Variants in AIG1 observed in about 807,000 individuals in gnomAD.
AIG1 encodes the protein androgen-induced gene 1 protein.
In AIG1, 23 loss-of-function variants were observed where a neutral mutation model predicts 31.4. The observed-to-expected ratio is 0.73, with a 90% CI of 0.53 to 1.04. The LOEUF (loss-of-function observed/expected upper bound fraction) is 1.04. Ranked by LOEUF, AIG1 falls within the 50% of genes least tolerant of loss-of-function variation. The pLI is 0.00. For missense variants in AIG1, 274 were observed against 295.0 expected, an observed-to-expected ratio of 0.93 and a Z score of 0.52; for synonymous variants, 100 against 110.5, an observed-to-expected ratio of 0.90 and a Z score of 0.60.
intron 5 of AIG1, chr6:143,339,031 C>A (rs1777715881): frequency 6.6e-6 from 1 of 152,172 alleles, no homozygotes; most frequent in East Asian, 1.9e-4. Flanking sequence ...CCAGTACATA[C>A]AAGTCCTTCA....
chr6:143,250,237 C>T (rs918643758), intron 3 of AIG1, among the ~76,000 whole-genome samples: 1 of 152,182 alleles, frequency 6.6e-6, no homozygotes, highest in East Asian at 1.9e-4. Context: ...GAATAGGAAG[C>T]AGCTCTTTAT....
At chr6:143,081,642 C>T (rs1179133917) in intron 1 of AIG1, among the ~76,000 whole-genome samples, 3 of 151,958 alleles carry the variant, frequency 2.0e-5, no homozygotes, top group Non-Finnish European at 4.4e-5. Flanking sequence ...AGGCCTGGTC[C>T]AGTAAATAAT....
intron 1 of AIG1, among the ~76,000 whole-genome samples, chr6:143,128,894 G>A (rs1782941480): frequency 6.6e-6 from 1 of 152,212 alleles, no homozygotes; most frequent in East Asian, 1.9e-4. Context: ...AGGATAGACT[G>A]TTTCATCATT....
chr6:143,243,969 G>C (rs1226191345), intron 3 of AIG1, among the ~76,000 whole-genome samples: 1 of 152,176 alleles, frequency 6.6e-6, no homozygotes, highest in Non-Finnish European at 1.5e-5. Context: ...GCTTCAGGCA[G>C]GTCCTTTCAA....
At chr6:143,270,203 C>T (rs955025414) in intron 3 of AIG1, among the ~76,000 whole-genome samples, 1 of 152,098 alleles carries the variant, frequency 6.6e-6, no homozygotes, top group African/African-American at 2.4e-5. Flanking sequence ...ACTTCCTGGC[C>T]CCATCCTTTC....
intron 3 of AIG1, among the ~76,000 whole-genome samples, chr6:143,274,201 A>C (rs1373574225): frequency 6.6e-6 from 1 of 152,036 alleles, no homozygotes; most frequent in Non-Finnish European, 1.5e-5. Context: ...TAGGAGATCT[A>C]CCCCTGGCCA....
intron 1 of AIG1, among the ~76,000 whole-genome samples, chr6:143,073,647 A>G (rs553508077): frequency 2.0e-5 from 3 of 152,304 alleles, no homozygotes; most frequent in African/African-American, 7.2e-5. Flanking sequence ...TTTATAAGAA[A>G]AGAGGTTTAA....
chr6:143,336,194 G>T (rs1583911782), intron 5 of AIG1, among the ~76,000 whole-genome samples: 1 of 150,448 alleles, frequency 6.6e-6, no homozygotes, highest in African/African-American at 2.5e-5. Flanking sequence ...CCAAGAAGAA[G>T]GAAGATTGCA....
At chr6:143,250,142 G>A (rs1355177055) in intron 3 of AIG1, among the ~76,000 whole-genome samples, 1 of 152,220 alleles carries the variant, frequency 6.6e-6, no homozygotes, top group Non-Finnish European at 1.5e-5. Context: ...TCTTGGCCTA[G>A]CAGGTGCATG....
rs911089905 is a variant in AIG1 at position 143,328,222 on chromosome 6, G to A, written c.516-5060G>A. On this transcript the variant is annotated intron_variant, in intron 4 of 5. Transcript: ENST00000357847. The surrounding 1 kb of genome is among the most constrained non-coding windows in gnomAD (Gnocchi z 4.0). ...GCAAGAAGAGATGCCAGACTGCTGT[G>A]GGTGAAAGTGAGTACAATGTACAGA... 6.6e-6 allele frequency among the ~76,000 whole-genome samples: 1 copy of A among 152,142 alleles called. No individual in the cohort carries two copies. The highest frequency in any genetic ancestry group is 2.4e-5 in the African/African-American group (1 of 41,438).
chr6:143,061,119 T>TGC, intron 1 of AIG1, 53 bp downstream of exon 1: 2 of 298,450 alleles, frequency 6.7e-6, no homozygotes, highest in East Asian at 3.6e-4. Context: ...TGTGTGTGCG[T>TGC]GTGTGTGTGT....
At chr6:143,221,424 A>G (rs1792504501) in intron 3 of AIG1, among the ~76,000 whole-genome samples, 1 of 148,750 alleles carries the variant, frequency 6.7e-6, no homozygotes, top group Admixed American at 6.8e-5. Flanking sequence ...TCCAAACTAC[A>G]CTGTGGTCTC....
rs184373311 is a variant in AIG1, at chr6:143,062,349, C to T, written c.141+1283C>T. On this transcript the variant is annotated intron_variant, in intron 1 of 5. Coordinates refer to ENST00000357847, the MANE Select transcript of AIG1 (RefSeq NM_016108.4). ...TAATTTTCAGATCCTCATCTTCCAA[C>T]TCTGCTTGAAACTAATTTCCCTCTG... Among the ~76,000 whole-genome samples, 9 of 152,254 alleles carry T rather than the reference C, an allele frequency of 5.9e-5. No homozygotes were observed. In the East Asian group the frequency reaches 1.7e-3, roughly 29 times the overall value.
At chr6:143,171,403 AGT>A (rs1419714166) in intron 3 of AIG1, among the ~76,000 whole-genome samples, 9 of 132,088 alleles carry the variant, frequency 6.8e-5, no homozygotes, top group African/African-American at 2.6e-4. Context: ...AGTATTCAAT[AGT>A]GTGTGTATAT....
At chr6:143,243,858 C>T (rs1254308158) in intron 3 of AIG1, among the ~76,000 whole-genome samples, 1 of 152,166 alleles carries the variant, frequency 6.6e-6, no homozygotes, top group African/African-American at 2.4e-5. Context: ...GGCACTCATA[C>T]CTCATCTCCC....
At chr6:143,314,691 T>C (rs1185124795) in intron 4 of AIG1, among the ~76,000 whole-genome samples, 2 of 152,136 alleles carry the variant, frequency 1.3e-5, no homozygotes, top group African/African-American at 4.8e-5. Context: ...TATTCTGTGT[T>C]CATGCATGGC....
At chr6:143,219,144 A>G (rs887983315) in intron 3 of AIG1, among the ~76,000 whole-genome samples, 2 of 152,364 alleles carry the variant, frequency 1.3e-5, no homozygotes. Context: ...CATAGAGCTG[A>G]AGAGTAGCAA....
intron 3 of AIG1, among the ~76,000 whole-genome samples, chr6:143,194,493 C>T (rs993221712): frequency 6.6e-6 from 1 of 152,194 alleles, no homozygotes; most frequent in Non-Finnish European, 1.5e-5. Flanking sequence ...ACGGAAAAGT[C>T]CTCTGCAAAC....
At chr6:143,167,366 C>A (rs772205958) in intron 3 of AIG1, among the ~76,000 whole-genome samples, 4 of 152,202 alleles carry the variant, frequency 2.6e-5, no homozygotes, top group Non-Finnish European at 4.4e-5. Context: ...TAAAGGGAGA[C>A]TCTTGAAGTT....
Sources: allele counts gnomAD v4.1 joint callset (sites outside exome capture counted in the v4.1 genomes callset), GRCh38; gene constraint gnomAD v4.1.1; non-coding constraint Gnocchi (gnomAD v3.1); transcripts MANE v1.5; gene names NCBI Gene and HGNC (gene_info 2026-07-23, HGNC 2026-07-21).